C12orf56: variants seen among roughly 807,000 people sequenced by gnomAD.
C12orf56 encodes the protein chromosome 12 open reading frame 56.
Under a neutral mutation model 69.9 loss-of-function variants are expected in C12orf56, and 71 were observed. The ratio of observed to expected loss-of-function variants is 1.02; its 90% CI spans 0.84 to 1.24. C12orf56 has a LOEUF of 1.24. Among genes scored for constraint, C12orf56 ranks in the 50% most tolerant of loss-of-function variants. C12orf56 has a pLI of 0.00. For synonymous variants in C12orf56, 276 were observed against 274.1 expected (o/e 1.01, Z -0.07); for missense variants, 732 against 738.5 (o/e 0.99, Z 0.10).
intron 5 of C12orf56, among the ~76,000 whole-genome samples, chr12:64,307,360 A>AGT (rs1204632021): frequency 7.1e-6 from 1 of 141,054 alleles, no homozygotes; most frequent in Non-Finnish European, 1.5e-5. Flanking sequence ...TATTGCTGAT[A>AGT]GTCAGTCCTT....
chr12:64,347,032 G>T (rs752000265), intron 2 of C12orf56, among the ~76,000 whole-genome samples: 4 of 151,302 alleles, frequency 2.6e-5, no homozygotes, highest in Admixed American at 1.3e-4. Context: ...CTGGAGTGCA[G>T]TGGCACGATC....
At chr12:64,334,998 C>T (rs2038975073) in intron 2 of C12orf56, among the ~76,000 whole-genome samples, 2 of 152,160 alleles carry the variant, frequency 1.3e-5, no homozygotes, top group African/African-American at 4.8e-5. Flanking sequence ...TAGCCAATGG[C>T]TACTGTATTA....
chr12:64,297,149 A>C (rs973701919), intron 6 of C12orf56, among the ~76,000 whole-genome samples: 5 of 152,310 alleles, frequency 3.3e-5, no homozygotes, highest in Admixed American at 2.6e-4. Context: ...ATAAAGTTGA[A>C]AAACCACTGC....
At chr12:64,369,826 CA>C (rs1001392486) in intron 1 of C12orf56, among the ~76,000 whole-genome samples, 5 of 151,178 alleles carry the variant, frequency 3.3e-5, no homozygotes, top group Non-Finnish European at 5.9e-5. Flanking sequence ...ACTAAAAATA[CA>C]AAAAAATTAG....
In C12orf56 at chr12:64,301,521, G is replaced by A. The variant is rs548969246; in HGVS notation, c.1113+2114C>T. Reference sequence around the variant, plus strand: ...ATTTAGATTGAGTAAATTTACTGAGGCCCCAGAAGAAGGTTTTCAGGACCT... The same window carrying A: ...ATTTAGATTGAGTAAATTTACTGAGACCCCAGAAGAAGGTTTTCAGGACCT... On this transcript the variant is annotated intron_variant, in intron 6 of 12. Transcript: ENST00000543942. Among the ~76,000 whole-genome samples, 8 of 152,142 alleles carry A rather than the reference G, an allele frequency of 5.3e-5. No individual in the cohort carries two copies. The South Asian group carries it at 1.7e-3, about 32-fold the overall frequency.
chr12:64,275,225 A>G lies in C12orf56; in HGVS notation c.1509+73T>C, dbSNP rs975485603. 8.6e-6 allele frequency: 6 copies of G among 698,598 alleles called. No homozygotes were observed. In the Admixed American group the frequency reaches 1.8e-4, roughly 21 times the overall value. 43.3% of individuals were successfully genotyped at this position (698,598 alleles called of 1,614,324 possible). ...TAACATAATCACATAATATACATAT[A>G]TCATAATATATAATAGTCATGTAAT... is the stretch of plus-strand genomic sequence containing the variant. On this transcript the variant is annotated intron_variant, in intron 10 of 12. Coordinates refer to ENST00000543942, the MANE Select transcript of C12orf56 (RefSeq NM_001170633.2).
At chr12:64,374,986 T>C (rs2039622124) in intron 1 of C12orf56, among the ~76,000 whole-genome samples, 1 of 152,240 alleles carries the variant, frequency 6.6e-6, no homozygotes, top group Non-Finnish European at 1.5e-5. Context: ...AATGTGGTTA[T>C]GTTATACATT....
intron 3 of C12orf56, among the ~76,000 whole-genome samples, chr12:64,321,912 AGT>A (rs1311298944): frequency 6.6e-6 from 1 of 151,740 alleles, no homozygotes; most frequent in Non-Finnish European, 1.5e-5. Flanking sequence ...TGAACCTGTA[AGT>A]GTATATCTTT....
At chr12:64,362,477 A>G (rs1372344677) in intron 1 of C12orf56, among the ~76,000 whole-genome samples, 4 of 152,118 alleles carry the variant, frequency 2.6e-5, no homozygotes, top group Admixed American at 6.5e-5. Flanking sequence ...GGATCACCTG[A>G]GGTCAGGAGT....
intron 6 of C12orf56, among the ~76,000 whole-genome samples, chr12:64,287,243 CAAAAAAA>C (rs534894017): frequency 5.1e-5 from 5 of 98,756 alleles, no homozygotes; most frequent in African/African-American, 2.1e-4. Context: ...GAGACTCCAT[CAAAAAAA>C]AAAAAAAAAA....
chr12:64,318,692 G>A lies in C12orf56; in HGVS notation c.777C>T (p.Ser259=). Residue 259 remains serine, a synonymous_variant, in exon 4 of 13, where the codon TCC becomes TCT. Transcript: ENST00000543942. ...CTAAATTTGAGTTGCTCTGTGAAGG[G>A]GAATCTAAGAGGGAATTTCCTAAGT... ...EFYLGNSLLD[S]PSQSNSNLEK... The A allele has an allele frequency of 1.3e-6, 2 of 1,537,126 alleles. No homozygotes were observed. The highest frequency in any genetic ancestry group is 1.2e-5 in the South Asian group (1 of 84,056).
At chr12:64,271,332 T>A (rs982156831) in intron 11 of C12orf56, among the ~76,000 whole-genome samples, 1 of 150,410 alleles carries the variant, frequency 6.6e-6, no homozygotes, top group Non-Finnish European at 1.5e-5. Flanking sequence ...AGGCATGGTG[T>A]CACATGTCTG....
Position 64,352,121 on chromosome 12 carries a change from T to G in C12orf56, c.415+773A>C, listed in dbSNP as rs532496188. ...TTTGTTTTTTTTTTTTTTTTGTTTTTTTTTTTACCAGTCAGGCTTTTGGCT... is the reference window on the plus strand; with the variant it reads ...TTTGTTTTTTTTTTTTTTTTGTTTTGTTTTTTACCAGTCAGGCTTTTGGCT... On this transcript the variant is annotated intron_variant, in intron 2 of 12. Transcript: ENST00000543942. Among the ~76,000 whole-genome samples the G allele has an allele frequency of 6.2e-3, 931 of 149,380 alleles. 4 individuals are homozygous for G. Among genetic ancestry groups the G allele is most frequent in the Non-Finnish European group, 8.7e-3 (584 of 67,036 alleles).
In C12orf56 at chr12:64,318,958, G is replaced by C; in HGVS notation, c.511C>G (p.Pro171Ala). The change falls in exon 4 of 13, where the codon CCA (proline) becomes GCA (alanine). Residue 171 changes from proline to alanine, a missense_variant. Pro to Ala is a conservative substitution (Grantham distance 27). Coordinates refer to ENST00000543942, the MANE Select transcript of C12orf56 (RefSeq NM_001170633.2). The stretch of plus-strand genomic sequence containing the variant: ...GGACAGAGAGTTGAGTCCTTGGATG[G>C]TGTACTGCTCTCCTGCTGGTCCCTG... ...PLRDQQESST[P>A]SKDSTLCPRP... 1 of 1,512,298 alleles carries C rather than the reference G, an allele frequency of 6.6e-7. No individual in the cohort carries two copies. Among genetic ancestry groups the C allele is most frequent in the South Asian group, 1.2e-5 (1 of 80,032 alleles). 93.7% of individuals were successfully genotyped at this position (1,512,298 alleles called of 1,614,324 possible).
chr12:64,281,272 CAAAAAAA>C (rs2136759239), intron 8 of C12orf56, among the ~76,000 whole-genome samples: 1 of 142,938 alleles, frequency 7.0e-6, no homozygotes, highest in Admixed American at 7.1e-5. Context: ...AACTCTGTCT[CAAAAAAA>C]GAAAAAAGAG....
At chr12:64,360,133 A>C (rs1385104328) in intron 1 of C12orf56, among the ~76,000 whole-genome samples, 3 of 151,638 alleles carry the variant, frequency 2.0e-5, no homozygotes, top group Non-Finnish European at 4.4e-5. Flanking sequence ...TTTTTACAAA[A>C]TTCAAAAACT....
At chr12:64,342,670 A>G (rs779609348) in intron 2 of C12orf56, among the ~76,000 whole-genome samples, 13 of 152,184 alleles carry the variant, frequency 8.5e-5, no homozygotes, top group Non-Finnish European at 1.6e-4. Flanking sequence ...TGTGTCAGAA[A>G]GCACCCAGTT....
chr12:64,335,745 A>G (rs1386104747), intron 2 of C12orf56, among the ~76,000 whole-genome samples: 3 of 152,206 alleles, frequency 2.0e-5, no homozygotes, highest in Non-Finnish European at 4.4e-5. Context: ...CTAATTAGGA[A>G]TCCTGTTAAA....
In C12orf56 at chr12:64,277,703, C is replaced by A. The variant is rs1289701209; in HGVS notation, c.1411G>T (p.Val471Phe). The change falls in exon 9 of 13, where the codon GTC becomes TTC. Residue 471 changes from valine (V) to phenylalanine (F), a missense_variant. Transcript: ENST00000543942. The part of the protein sequence containing the change: ...DIQLVADSAL[V>F]RMSFDAELQK... Reference sequence around the variant, plus strand: ...ACCTCAGCGTCAAAAGACATTCTGACTAAAGCTGAATCAGCCACCAACTGG... The same window carrying A: ...ACCTCAGCGTCAAAAGACATTCTGAATAAAGCTGAATCAGCCACCAACTGG... 1.9e-6 allele frequency: 3 copies of A among 1,588,906 alleles called. No homozygotes were observed. The highest frequency in any genetic ancestry group is 2.6e-6 in the Non-Finnish European group (3 of 1,166,026).
Sources: allele counts gnomAD v4.1 joint callset (sites outside exome capture counted in the v4.1 genomes callset), GRCh38; gene constraint gnomAD v4.1.1; transcripts MANE v1.5; gene names NCBI Gene and HGNC (gene_info 2026-07-23, HGNC 2026-07-21).